The following MCM6 variants were observed in gnomAD, a reference collection of about 807,000 sequenced individuals.
MCM6 encodes minichromosome maintenance complex component 6.
MCM6 carries 46 observed loss-of-function variants against 94.3 expected under a neutral mutation model. The ratio of observed to expected loss-of-function variants is 0.49; its 90% CI spans 0.39 to 0.62. The LOEUF (loss-of-function observed/expected upper bound fraction) is 0.62, where lower values mean the gene tolerates loss of function less well. MCM6 is among the 20% of genes least tolerant of loss of function. MCM6 has a pLI of 0.00. For missense variants in MCM6, 865 were observed against 1,017.9 expected, an observed-to-expected ratio of 0.85 and a Z score of 2.04; for synonymous variants, 335 against 351.9, an observed-to-expected ratio of 0.95 and a Z score of 0.54.
intron 7 of MCM6, among the ~76,000 whole-genome samples, chr2:135,863,340 T>G (rs933225101): frequency 2.6e-5 from 4 of 152,198 alleles, no homozygotes; most frequent in Non-Finnish European, 1.5e-5. Flanking sequence ...AAAGAAACAT[T>G]TTTCTGTGGA....
Position 135,866,586 on chromosome 2 carries a change from T to C in MCM6, c.758A>G (p.Asp253Gly). The part of the protein sequence containing the change: ...DFTGTLIVVP[D>G]VSKLSTPGAR... ...ACCTGGTGTGCTAAGCTTGGAGACG[T>C]CAGGCACAACAATCAGTGTCCCTGT... is the stretch of plus-strand genomic sequence containing the variant. The change falls in exon 5 of 17, where the codon GAC becomes GGC. Residue 253 changes from aspartate to glycine, a missense_variant. Physicochemically the swap from Asp to Gly is moderately conservative, Grantham distance 94. This residue lies in a region of MCM6 where 404 missense variants were observed against 451.9 expected (regional missense o/e 0.89). Transcript: ENST00000264156. 1 of 1,613,348 alleles carries C rather than the reference T, an allele frequency of 6.2e-7. No homozygotes were observed. The highest frequency in any genetic ancestry group is 8.5e-7 in the Non-Finnish European group (1 of 1,179,770).
chr2:135,853,118 C>CT (rs1464753502), intron 11 of MCM6, among the ~76,000 whole-genome samples: 1 of 152,184 alleles, frequency 6.6e-6, no homozygotes, highest in African/African-American at 2.4e-5. Context: ...TTGCCCCACT[C>CT]TAAAACTATA....
Position 135,866,554 on chromosome 2 carries a change from A to AT in MCM6, c.781+8dup. 1.2e-6 allele frequency: 2 copies of AT among 1,602,464 alleles called. No homozygotes were observed. The highest frequency in any genetic ancestry group is 1.7e-6 in the Non-Finnish European group (2 of 1,175,888). ...AGAATTTGTTAAATTTGAGCCACAGATTACTGACCTGGTGTGCTAAGCTTG... is the reference window on the plus strand; with the variant it reads ...AGAATTTGTTAAATTTGAGCCACAGATTTACTGACCTGGTGTGCTAAGCTTG... On this transcript the variant is annotated intron_variant, in intron 5 of 16. Coordinates refer to ENST00000264156, the MANE Select transcript of MCM6 (RefSeq NM_005915.6).
intron 3 of MCM6, among the ~76,000 whole-genome samples, chr2:135,869,415 AC>A (rs201259756): frequency 0.016 from 2,435 of 147,644 alleles, 126 homozygotes; most frequent in African/African-American, 0.038. Flanking sequence ...AAAAAAAAAA[AC>A]AAAAACAGAA....
At chr2:135,871,877 A>G (rs905047796) in intron 2 of MCM6, among the ~76,000 whole-genome samples, 6 of 152,370 alleles carry the variant, frequency 3.9e-5, no homozygotes, top group Non-Finnish European at 5.9e-5. Context: ...TTACAAGTGT[A>G]TAAGCAATTT....
At chr2:135,859,549 T>A in intron 8 of MCM6, 107 bp from the exon 9 acceptor site, 1 of 708,084 alleles carries the variant, frequency 1.4e-6, no homozygotes, top group Non-Finnish European at 2.3e-6. Flanking sequence ...TTTGAGAGCT[T>A]AAGCAATTCA....
chr2:135,850,470 G>A (rs2105576360), intron 13 of MCM6, among the ~76,000 whole-genome samples: 1 of 152,232 alleles, frequency 6.6e-6, no homozygotes, highest in East Asian at 1.9e-4. Flanking sequence ...ATGGAAGGCA[G>A]GGGCTCTCAT....
chr2:135,870,122 G>GT (rs1249083626), intron 3 of MCM6, 129 bp downstream of exon 3: 1 of 607,316 alleles, frequency 1.6e-6, no homozygotes, highest in Non-Finnish European at 3.0e-6. Context: ...GGAGGTAAAA[G>GT]TGATTTGTAT....
In MCM6 at chr2:135,852,720, C is replaced by T. The variant is rs574887095; in HGVS notation, c.1755+67G>A. ...ACAGGTTCAGTTAATTTCCATATAA[C>T]ACACTTACTTAAATTCCACTTTAAT... On this transcript the variant is annotated intron_variant, in intron 12 of 16. Coordinates refer to ENST00000264156, the MANE Select transcript of MCM6 (RefSeq NM_005915.6). 13 of 1,126,214 alleles carry T rather than the reference C, an allele frequency of 1.2e-5. No homozygotes were observed. The South Asian group carries it at 2.5e-4, about 21-fold the overall frequency. The allele number at this position is 1,126,214 out of a possible 1,614,324, so 69.8% of individuals were successfully genotyped here.
chr2:135,863,793 A>ATATTTAG (rs1680037361), intron 7 of MCM6, among the ~76,000 whole-genome samples: 2 of 150,780 alleles, frequency 1.3e-5, no homozygotes, highest in Non-Finnish European at 3.0e-5. Flanking sequence ...TTCCACAAAC[A>ATATTTAG]AAACTTCTCT....
intron 7 of MCM6, among the ~76,000 whole-genome samples, chr2:135,863,852 TGTAATCTCA>T (rs1478765677): frequency 6.6e-6 from 1 of 152,158 alleles, no homozygotes; most frequent in Non-Finnish European, 1.5e-5. Flanking sequence ...GGCTCATGCC[TGTAATCTCA>T]GCACTTTGGG....
chr2:135,841,769 G>C (rs910774817), intron 16 of MCM6, among the ~76,000 whole-genome samples: 1 of 152,144 alleles, frequency 6.6e-6, no homozygotes, highest in Non-Finnish European at 1.5e-5. Flanking sequence ...AAGCTCTCTA[G>C]TTTTCTGTAG....
chr2:135,845,220 T>C (rs1323055162), intron 15 of MCM6, among the ~76,000 whole-genome samples: 4 of 152,252 alleles, frequency 2.6e-5, no homozygotes, highest in Non-Finnish European at 5.9e-5. Context: ...AACTGCCTGC[T>C]GCTTTTAACA....
chr2:135,865,077 A>C lies in MCM6; in HGVS notation c.1014T>G (p.Phe338Leu), dbSNP rs1486072464. 1.3e-6 allele frequency: 2 copies of C among 1,582,334 alleles called. No homozygotes were observed. The highest frequency in any genetic ancestry group is 1.7e-6 in the Non-Finnish European group (2 of 1,164,400). ...QMTVKEWEKV[F>L]EMSQDKNLYH... Reference sequence around the variant, plus strand: ...ATAGATTTTTATCTTGACTCATCTCAAACACTTTCTCCCATTCTTTCACAG... The same window carrying C: ...ATAGATTTTTATCTTGACTCATCTCCAACACTTTCTCCCATTCTTTCACAG... The change falls in exon 7 of 17, where the codon TTT becomes TTG. Residue 338 changes from phenylalanine to leucine, a missense_variant. Phe to Leu is a conservative substitution (Grantham distance 22). Around this residue, in one of 3 missense-constraint regions of MCM6, gnomAD observed 404 missense variants for 451.9 expected, o/e 0.89. Transcript: ENST00000264156.
intron 1 of MCM6, among the ~76,000 whole-genome samples, chr2:135,874,633 T>A (rs1368484508): frequency 6.6e-6 from 1 of 152,202 alleles, no homozygotes; most frequent in Non-Finnish European, 1.5e-5. Flanking sequence ...AGCCCTCATC[T>A]GAAAATTTAA....
rs1462836086 is a variant in MCM6, at chr2:135,870,349, G to GT, written c.266dup (p.Tyr89Ter). 6.2e-7 allele frequency: 1 copy of GT among 1,613,638 alleles called. No homozygotes were observed. Among genetic ancestry groups the GT allele is most frequent in the Admixed American group, 1.7e-5 (1 of 60,018 alleles). The change falls in exon 3 of 17, where the codon TAC becomes TAAC. Residue 89 changes from tyrosine (Y) to a stop codon, truncating the protein, a stop_gained and frameshift_variant. Transcript: ENST00000264156. LOFTEE classifies it high-confidence loss of function. ...CGAATGTTTTCAAGGCCCGACACAG[G>GT]TAAGGGTAAACTCTGAAAAACAAAA... ...IQEEFYRVYP[Y>*]LCRALKTFVK...
chr2:135,862,746 T>G lies in MCM6; in HGVS notation c.1081A>C (p.Asn361His). 6.2e-7 allele frequency: 1 copy of G among 1,613,040 alleles called. No homozygotes were observed. The highest frequency in any genetic ancestry group is 8.5e-7 in the Non-Finnish European group (1 of 1,179,682). ...CTSLFPTIHG[N>H]DEVKRGVLLM... ...AGGACACCCCGTTTTACTTCATCAT[T>G]GCCTGAAATGAAAAGAAGCTACAGA... Residue 361 changes from asparagine (N) to histidine (H), a missense_variant and splice_region_variant, in exon 8 of 17, where the codon AAT becomes CAT. Physicochemically the swap from Asn to His is moderately conservative, Grantham distance 68. Coordinates refer to ENST00000264156, the MANE Select transcript of MCM6 (RefSeq NM_005915.6).
intron 8 of MCM6, 114 bp downstream of exon 8, chr2:135,862,493 A>T: frequency 8.9e-7 from 1 of 1,122,824 alleles, no homozygotes; most frequent in Non-Finnish European, 1.3e-6. Context: ...TATATTCAAC[A>T]TAGTCATAAT....
intron 9 of MCM6, among the ~76,000 whole-genome samples, 170 bp downstream of exon 9, chr2:135,859,131 T>A (rs535101043): frequency 1.3e-5 from 2 of 152,280 alleles, no homozygotes; most frequent in South Asian, 4.1e-4. Context: ...TGACCTCAGG[T>A]GATCCACCCA....
Sources: gnomAD v4.1 joint callset for allele counts (sites outside exome capture counted in the v4.1 genomes callset) on GRCh38, gnomAD v4.1.1 for gene constraint, gnomAD v4.1.1 regional missense constraint, MANE v1.5 for transcripts, NCBI Gene and HGNC (gene_info 2026-07-23, HGNC 2026-07-21) for gene names.